The following PDE8B variants were observed in gnomAD, a reference collection of about 807,000 sequenced individuals.
PDE8B encodes the protein high affinity cAMP-specific and IBMX-insensitive 3',5'-cyclic phosphodiesterase 8B.
A neutral mutation model predicts 101.3 loss-of-function variants in PDE8B; 26 were observed. That is an observed-to-expected ratio of 0.26 (90% CI 0.19 to 0.36). The LOEUF is 0.36. Among genes scored for constraint, PDE8B ranks in the 10% least tolerant of loss-of-function variants. The probability of loss-of-function intolerance (pLI) is 1.00; values close to 1 mark genes in which losing one functional copy is unlikely to be tolerated. For synonymous variants in PDE8B, 424 were observed against 429.3 expected (o/e 0.99, Z 0.15); for missense variants, 810 against 1,163.1 (o/e 0.70, Z 4.42).
the PDE8B span, chr5:77,113,787 A>T: frequency 7.2e-4 from 109 of 152,382 alleles, no homozygotes; most frequent in African/African-American, 2.5e-3. Context: ...TAGTATCCAG[A>T]ATCTACAAAG....
At chr5:77,231,728 G>A (rs1291351026) in intron 1 of PDE8B, among the ~76,000 whole-genome samples, 4 of 152,240 alleles carry the variant, frequency 2.6e-5, no homozygotes, top group African/African-American at 9.6e-5. Flanking sequence ...GATAAGGAAA[G>A]ACAAGGGACA....
the PDE8B span, among the ~76,000 whole-genome samples, chr5:77,176,620 C>T: frequency 2.1e-4 from 32 of 152,230 alleles, no homozygotes; most frequent in South Asian, 2.5e-3. Context: ...CACACTGAGC[C>T]TGTTTCCCTA....
intron 10 of PDE8B, among the ~76,000 whole-genome samples, chr5:77,392,176 C>T (rs1270064528): frequency 1.3e-5 from 2 of 152,124 alleles, no homozygotes; most frequent in African/African-American, 2.4e-5. Flanking sequence ...CCTATTTTCA[C>T]GCTTCAGTTT....
chr5:77,272,521 T>G (rs1763001099), intron 1 of PDE8B, among the ~76,000 whole-genome samples: 1 of 152,184 alleles, frequency 6.6e-6, no homozygotes, highest in East Asian at 1.9e-4. Context: ...AACCTCCATT[T>G]GAGAGCTGCC....
chr5:77,321,142 A>ATTTT (rs10538529), intron 2 of PDE8B, among the ~76,000 whole-genome samples: 70 of 76,430 alleles, frequency 9.2e-4, no homozygotes, highest in Non-Finnish European at 1.3e-3. Context: ...CAGTATCTCT[A>ATTTT]TTTTTTTTTT....
intron 20 of PDE8B, among the ~76,000 whole-genome samples, chr5:77,422,234 C>A (rs1455190814): frequency 2.6e-5 from 4 of 152,192 alleles, no homozygotes; most frequent in African/African-American, 9.7e-5. Flanking sequence ...AGTAACTTTT[C>A]ATCTTCAGTT....
At chr5:77,321,385 A>G (rs1309862257) in intron 2 of PDE8B, among the ~76,000 whole-genome samples, 1 of 152,076 alleles carries the variant, frequency 6.6e-6, no homozygotes, top group Admixed American at 6.6e-5. Context: ...TCCCGACCTC[A>G]GGTGATCCAC....
the PDE8B span, among the ~76,000 whole-genome samples, chr5:77,165,209 G>A: frequency 1.1e-3 from 174 of 152,246 alleles, no homozygotes; most frequent in Admixed American, 2.9e-3. Context: ...AAGAGAAAGC[G>A]TAATAAAATA....
intron 1 of PDE8B, among the ~76,000 whole-genome samples, chr5:77,251,849 TTG>T (rs2149626087): frequency 6.6e-6 from 1 of 152,374 alleles, no homozygotes; most frequent in Non-Finnish European, 1.5e-5. Flanking sequence ...GAATTTTAAT[TTG>T]TTTCTTTTTC....
At chr5:77,386,670 C>T (rs1788702611) in intron 10 of PDE8B, among the ~76,000 whole-genome samples, 1 of 151,956 alleles carries the variant, frequency 6.6e-6, no homozygotes, top group Non-Finnish European at 1.5e-5. Flanking sequence ...CTATGTGTGT[C>T]TTTGCACATG....
At chr5:77,328,971 G>T (rs1776596259) in intron 3 of PDE8B, 27 bp from the exon 4 acceptor site, 12 of 1,601,526 alleles carry the variant, frequency 7.5e-6, no homozygotes, top group Non-Finnish European at 8.6e-6. Flanking sequence ...AGATCACCTT[G>T]TTTGACTTGG....
chr5:77,313,723 C>G (rs1226221161), intron 2 of PDE8B, among the ~76,000 whole-genome samples: 3 of 152,154 alleles, frequency 2.0e-5, no homozygotes, highest in Admixed American at 6.5e-5. Context: ...AATGATATGT[C>G]TTATTTGTTT....
chr5:77,295,799 T>A (rs1024164570), intron 1 of PDE8B, among the ~76,000 whole-genome samples: 2 of 152,244 alleles, frequency 1.3e-5, no homozygotes, highest in Non-Finnish European at 2.9e-5. Context: ...AGTCTTGATC[T>A]GGTAATTTGG....
chr5:77,104,238 G>A, the PDE8B span, among the ~76,000 whole-genome samples: 1 of 152,174 alleles, frequency 6.6e-6, no homozygotes, highest in African/African-American at 2.4e-5. Flanking sequence ...TGAAGGCTTG[G>A]GAGCTGAAGT....
the PDE8B span, among the ~76,000 whole-genome samples, chr5:77,095,271 G>A: frequency 6.6e-6 from 1 of 152,134 alleles, no homozygotes; most frequent in African/African-American, 2.4e-5. Context: ...GAAATGCCTT[G>A]AGCATCCCCA....
Position 77,397,703 on chromosome 5 carries a change from G to C in PDE8B, c.1168-2545G>C, listed in dbSNP as rs78943717. On this transcript the variant is annotated intron_variant, in intron 10 of 21. Coordinates refer to ENST00000264917, the MANE Select transcript of PDE8B (RefSeq NM_003719.5). The stretch of plus-strand genomic sequence containing the variant: ...CTTATATTACTGGCTTTAAGGAACA[G>C]GGCCAAGAAAGCATGGAAGTTTTAG... 1.5e-4 allele frequency among the ~76,000 whole-genome samples: 23 copies of C among 152,282 alleles called. No individual in the cohort carries two copies. In the East Asian group the frequency reaches 4.0e-3, roughly 27 times the overall value.
At chr5:77,265,502 T>C (rs551136049) in intron 1 of PDE8B, among the ~76,000 whole-genome samples, 22 of 152,238 alleles carry the variant, frequency 1.4e-4, no homozygotes, top group Non-Finnish European at 2.2e-4. Context: ...CCTAATCTTA[T>C]GAGTTTTCTT....
the PDE8B span, among the ~76,000 whole-genome samples, chr5:77,099,568 C>T: frequency 4.5e-3 from 687 of 151,874 alleles, 6 homozygotes; most frequent in African/African-American, 0.016. Flanking sequence ...CTGGGGCATG[C>T]GACTCTAGGG....
At chr5:77,265,923 G>C (rs1761610062) in intron 1 of PDE8B, among the ~76,000 whole-genome samples, 1 of 152,198 alleles carries the variant, frequency 6.6e-6, no homozygotes, top group African/African-American at 2.4e-5. Context: ...CTTTTCTAGT[G>C]AGCAGGTGAG....
Sources: allele counts gnomAD v4.1 joint callset (sites outside exome capture counted in the v4.1 genomes callset), GRCh38; gene constraint gnomAD v4.1.1; transcripts MANE v1.5; gene names NCBI Gene and HGNC (gene_info 2026-07-23, HGNC 2026-07-21).